Variants in ETF1 observed in about 807,000 individuals in gnomAD.
ETF1 encodes the protein eukaryotic translation termination factor 1, also known as eukaryotic peptide chain release factor subunit 1.
Under a neutral mutation model 55.1 loss-of-function variants are expected in ETF1, and 4 were observed. The ratio of observed to expected loss-of-function variants is 0.07; its 90% CI spans 0.04 to 0.17. ETF1 has a LOEUF of 0.17. ETF1 is among the 10% of genes least tolerant of loss of function. The probability of loss-of-function intolerance (pLI) is 1.00; values close to 1 mark genes in which losing one functional copy is unlikely to be tolerated. For synonymous variants in ETF1, 157 were observed against 182.3 expected, an observed-to-expected ratio of 0.86 and a Z score of 1.12; for missense variants, 142 against 523.6, an observed-to-expected ratio of 0.27 and a Z score of 7.11.
At chr5:138,508,839 C>T in intron 9 of ETF1, 23 bp from the exon 10 acceptor site, 1 of 1,605,974 alleles carries the variant, frequency 6.2e-7, no homozygotes, top group Non-Finnish European at 8.5e-7. Context: ...CCATGAGATA[C>T]AAAAATGGGG....
chr5:138,541,518 C>A, intron 2 of ETF1: 1 of 1,532,348 alleles, frequency 6.5e-7, no homozygotes, highest in Non-Finnish European at 8.7e-7. Context: ...GTAAAACCAA[C>A]CTGTGAATTG....
At position 138,539,470 on chromosome 5, in the gene ETF1, T is replaced by C. The variant is rs946035976; in HGVS notation, c.86+3363A>G. ...CTTCATAAGCCAACTGTGGAGCATATACCAGGAGCAATCATGAACAGGGAA... is the reference window on the plus strand; with the variant it reads ...CTTCATAAGCCAACTGTGGAGCATACACCAGGAGCAATCATGAACAGGGAA... On this transcript the variant is annotated intron_variant, in intron 2 of 10. Transcript: ENST00000360541. Among the ~76,000 whole-genome samples the C allele has an allele frequency of 2.6e-5, 4 of 152,362 alleles. No homozygotes were observed. The South Asian group carries it at 6.2e-4, about 24-fold the overall frequency.
chr5:138,541,577 G>A (rs1458375988), intron 2 of ETF1: 8 of 1,534,876 alleles, frequency 5.2e-6, no homozygotes, highest in Non-Finnish European at 7.0e-6. Context: ...CAGTAATAAT[G>A]AAGAGCTTGG....
At chr5:138,512,260 T>A (rs1229161704) in intron 6 of ETF1, among the ~76,000 whole-genome samples, 308 of 15,206 alleles carry the variant, frequency 0.02, 1 homozygote, top group South Asian at 0.064. Context: ...ATATATATAT[T>A]TTTTTTTTTT....
chr5:138,537,808 C>A (rs913558964), intron 2 of ETF1, among the ~76,000 whole-genome samples: 6 of 151,782 alleles, frequency 4.0e-5, no homozygotes, highest in African/African-American at 1.5e-4. Context: ...TCTCGATCTC[C>A]TGACCTTGTG....
intron 2 of ETF1, among the ~76,000 whole-genome samples, chr5:138,526,301 G>C (rs1765470036): frequency 6.6e-6 from 1 of 152,184 alleles, no homozygotes; most frequent in Non-Finnish European, 1.5e-5. Context: ...ACTGTGAGGG[G>C]AACGAAAATA....
chr5:138,528,626 GCTT>G (rs1765571713), intron 2 of ETF1, among the ~76,000 whole-genome samples: 1 of 152,094 alleles, frequency 6.6e-6, no homozygotes, highest in African/African-American at 2.4e-5. Context: ...CTTGGTCTTG[GCTT>G]CTTATTCCTT....
chr5:138,532,072 A>AAATG (rs1765725994), intron 2 of ETF1, among the ~76,000 whole-genome samples: 1 of 151,510 alleles, frequency 6.6e-6, no homozygotes, highest in Non-Finnish European at 1.5e-5. Context: ...ATAAATAAAT[A>AAATG]AATAAATCTC....
intron 2 of ETF1, among the ~76,000 whole-genome samples, chr5:138,539,453 G>A (rs1766083994): frequency 6.6e-6 from 1 of 152,164 alleles, no homozygotes; most frequent in Non-Finnish European, 1.5e-5. Flanking sequence ...TCCTTCATAA[G>A]CCAACTGTGG....
chr5:138,512,549 GC>G, intron 6 of ETF1: 1 of 435,210 alleles, frequency 2.3e-6, no homozygotes. Flanking sequence ...TCCATAAGAA[GC>G]CCACCTAAAA....
intron 2 of ETF1, among the ~76,000 whole-genome samples, chr5:138,532,765 T>C (rs938867693): frequency 6.6e-6 from 1 of 152,120 alleles, no homozygotes. Context: ...ACTCTGTAAT[T>C]TATCATAAGG....
chr5:138,518,438 C>A (rs918658812), intron 3 of ETF1, among the ~76,000 whole-genome samples: 1 of 152,046 alleles, frequency 6.6e-6, no homozygotes, highest in African/African-American at 2.4e-5. Context: ...GTCTCGAACT[C>A]CTGACCTCAA....
At chr5:138,512,733 T>C (rs760397558) in intron 6 of ETF1, 31 bp downstream of exon 6, 8 of 1,553,722 alleles carry the variant, frequency 5.1e-6, no homozygotes, top group Non-Finnish European at 6.9e-6. Context: ...ACCTAGGGTC[T>C]TACATAATAA....
intron 6 of ETF1, among the ~76,000 whole-genome samples, chr5:138,512,350 C>T (rs368492995): frequency 2.8e-5 from 4 of 145,200 alleles, no homozygotes; most frequent in Admixed American, 1.4e-4. Flanking sequence ...TGGCTGAGCC[C>T]ATGTTATAAA....
intron 6 of ETF1, among the ~76,000 whole-genome samples, chr5:138,512,258 ATTTTTT>A (rs58936942): frequency 2.0e-4 from 4 of 20,022 alleles, no homozygotes; most frequent in African/African-American, 7.6e-4. Context: ...ATATATATAT[ATTTTTT>A]TTTTTTTTTA....
At chr5:138,516,583 G>C (rs1478201059) in intron 4 of ETF1, among the ~76,000 whole-genome samples, 1 of 152,242 alleles carries the variant, frequency 6.6e-6, no homozygotes, top group Non-Finnish European at 1.5e-5. Flanking sequence ...GGAGGTTGCA[G>C]TGGGCCAAGA....
At chr5:138,541,632 T>A (rs1016775317) in intron 2 of ETF1, 49 of 1,522,896 alleles carry the variant, frequency 3.2e-5, no homozygotes, top group Middle Eastern at 3.4e-4. Flanking sequence ...TAAATGACAA[T>A]CCTGGGCTGG....
chr5:138,533,214 G>GT (rs1160786629), intron 2 of ETF1, among the ~76,000 whole-genome samples: 1 of 151,848 alleles, frequency 6.6e-6, no homozygotes, highest in Non-Finnish European at 1.5e-5. Flanking sequence ...GATTACAGGC[G>GT]TGAGCCACCG....
intron 2 of ETF1, chr5:138,541,824 AAAGT>A: frequency 2.4e-6 from 1 of 408,566 alleles, no homozygotes; most frequent in South Asian, 4.5e-5. Context: ...GGAACAAAAT[AAAGT>A]AATAAAAGAA....
Sources: allele counts gnomAD v4.1 joint callset (sites outside exome capture counted in the v4.1 genomes callset), GRCh38; gene constraint gnomAD v4.1.1; transcripts MANE v1.5; gene names NCBI Gene and HGNC (gene_info 2026-07-23, HGNC 2026-07-21).